The following BTBD8 variants were observed in gnomAD, a reference collection of about 807,000 sequenced individuals.
BTBD8 encodes BTB/POZ domain-containing protein 8.
In BTBD8, 110 loss-of-function variants were observed where a neutral mutation model predicts 162.9. The ratio of observed to expected loss-of-function variants is 0.68; its 90% CI spans 0.58 to 0.79. The LOEUF (loss-of-function observed/expected upper bound fraction) is 0.79. Among genes scored for constraint, BTBD8 ranks in the 30% least tolerant of loss-of-function variants. BTBD8 has a pLI of 0.00. For missense variants in BTBD8, 1,905 were observed against 2,085.4 expected (o/e 0.91, Z 1.68); for synonymous variants, 667 against 716.1 (o/e 0.93, Z 1.10).
At position 92,080,351 on chromosome 1, in the gene BTBD8, G is replaced by A. The variant is rs2101885831; in HGVS notation, c.-221G>A. 2 of 608,498 alleles carry A rather than the reference G, an allele frequency of 3.3e-6. No homozygotes were observed. Among genetic ancestry groups the A allele is most frequent in the Admixed American group, 3.7e-5 (1 of 27,146 alleles). The allele number at this position is 608,498 out of a possible 1,614,324, so 37.7% of individuals were successfully genotyped here. On this transcript the variant is annotated 5_prime_UTR_variant, in exon 1 of 18. Coordinates refer to ENST00000636805, the MANE Select transcript of BTBD8 (RefSeq NM_001376131.1). ...GAGTACGCCTGCGCACGCTCTTCCTGGGTCAAGAGCCGGCTCGGTTCTGGG... is the reference window on the plus strand; with the variant it reads ...GAGTACGCCTGCGCACGCTCTTCCTAGGTCAAGAGCCGGCTCGGTTCTGGG...
At chr1:92,129,803 G>T in intron 5 of BTBD8, 27 bp downstream of exon 5, 2 of 1,546,666 alleles carry the variant, frequency 1.3e-6, no homozygotes, top group South Asian at 2.2e-5. Context: ...AGGGCCATTT[G>T]ACTGCAAATG....
At chr1:92,110,600 A>G (rs1482706898) in intron 4 of BTBD8, among the ~76,000 whole-genome samples, 1 of 152,050 alleles carries the variant, frequency 6.6e-6, no homozygotes, top group Admixed American at 6.6e-5. Flanking sequence ...TATGAATACC[A>G]TCTGGGATCT....
At chr1:92,169,547 A>G (rs1228105783) in intron 12 of BTBD8, among the ~76,000 whole-genome samples, 2 of 152,180 alleles carry the variant, frequency 1.3e-5, no homozygotes, top group African/African-American at 4.8e-5. Flanking sequence ...ATTAAACAAA[A>G]GATGTATATT....
At chr1:92,081,944 G>T (rs1648029911) in intron 1 of BTBD8, among the ~76,000 whole-genome samples, 1 of 152,020 alleles carries the variant, frequency 6.6e-6, no homozygotes, top group African/African-American at 2.4e-5. Context: ...GCTATAAACA[G>T]AATTTATCAA....
chr1:92,183,751 CT>C, intron 17 of BTBD8, 112 bp from the exon 18 acceptor site: 1 of 499,492 alleles, frequency 2.0e-6, no homozygotes, highest in Non-Finnish European at 3.1e-6. Context: ...TTTTCCCATT[CT>C]GTGTTTTTTT....
At chr1:92,090,991 C>T (rs1378559807) in intron 2 of BTBD8, among the ~76,000 whole-genome samples, 2 of 152,146 alleles carry the variant, frequency 1.3e-5, no homozygotes, top group Non-Finnish European at 2.9e-5. Flanking sequence ...TGTCACTGTG[C>T]TTCTGGTGTG....
At chr1:92,140,105 T>C (rs1649737099) in intron 6 of BTBD8, among the ~76,000 whole-genome samples, 1 of 86,982 alleles carries the variant, frequency 1.1e-5, no homozygotes, top group Admixed American at 1.2e-4. Flanking sequence ...CGAGACTCTG[T>C]CTCAAAAAAA....
intron 5 of BTBD8, among the ~76,000 whole-genome samples, chr1:92,130,097 C>G (rs1649473989): frequency 1.3e-5 from 2 of 152,116 alleles, no homozygotes; most frequent in Non-Finnish European, 2.9e-5. Context: ...GGGCTCTGCC[C>G]CTGGGTTGCA....
chr1:92,123,346 C>T (rs758461122), intron 4 of BTBD8, among the ~76,000 whole-genome samples: 3 of 152,122 alleles, frequency 2.0e-5, no homozygotes, highest in Non-Finnish European at 2.9e-5. Flanking sequence ...TTTGCATTTT[C>T]GTAGACATTT....
intron 13 of BTBD8, among the ~76,000 whole-genome samples, chr1:92,171,669 A>G (rs1469717149): frequency 6.6e-6 from 1 of 152,232 alleles, no homozygotes; most frequent in Admixed American, 6.5e-5. Flanking sequence ...GGAAGTATCT[A>G]CCTTTTTCAT....
At chr1:92,098,596 A>G (rs1433759387) in intron 2 of BTBD8, among the ~76,000 whole-genome samples, 2 of 151,932 alleles carry the variant, frequency 1.3e-5, no homozygotes, top group Non-Finnish European at 2.9e-5. Context: ...TTTTAAAATT[A>G]TACCTATCCT....
chr1:92,119,264 T>C (rs1394503870), intron 4 of BTBD8, among the ~76,000 whole-genome samples: 2 of 151,566 alleles, frequency 1.3e-5, no homozygotes, highest in Non-Finnish European at 2.9e-5. Flanking sequence ...CATGTATAGC[T>C]GTACAAATTT....
chr1:92,180,930 A>G lies in BTBD8; in HGVS notation c.3247A>G (p.Lys1083Glu). The G allele has an allele frequency of 6.4e-7, 1 of 1,551,662 alleles. No homozygotes were observed. Among genetic ancestry groups the G allele is most frequent in the Non-Finnish European group, 8.7e-7 (1 of 1,146,978 alleles). The change falls in exon 17 of 18, where the codon AAA becomes GAA. Residue 1083 changes from lysine to glutamate, a missense_variant. Lys to Glu is a moderately conservative substitution (Grantham distance 56, BLOSUM62 1). This residue lies in a region of BTBD8 where 1,374 missense variants were observed against 1,442.7 expected (regional missense o/e 0.95). Transcript: ENST00000636805. ...HSVGSDNVNS[K>E]FYSTTALKYM... ...TGTTGGGAGTGATAATGTAAATTCA[A>G]AATTTTATAGCACCACAGCCCTAAA... is the stretch of plus-strand genomic sequence containing the variant.
intron 4 of BTBD8, among the ~76,000 whole-genome samples, chr1:92,109,238 C>G (rs1648824518): frequency 1.3e-5 from 2 of 149,272 alleles, no homozygotes; most frequent in Non-Finnish European, 3.0e-5. Flanking sequence ...GTGTGTGTCT[C>G]TCTGTCTTGT....
intron 5 of BTBD8, among the ~76,000 whole-genome samples, chr1:92,130,559 C>CAA (rs1649492379): frequency 6.8e-6 from 1 of 146,920 alleles, no homozygotes; most frequent in African/African-American, 2.4e-5. Flanking sequence ...CACACACACA[C>CAA]ACACACACAT....
chr1:92,140,846 G>A (rs1370240400), intron 6 of BTBD8, among the ~76,000 whole-genome samples: 1 of 152,146 alleles, frequency 6.6e-6, no homozygotes, highest in Non-Finnish European at 1.5e-5. Context: ...TGTTCTGTAT[G>A]TCACTTAGTA....
At chr1:92,099,160 C>A (rs1648524880) in intron 2 of BTBD8, among the ~76,000 whole-genome samples, 1 of 152,028 alleles carries the variant, frequency 6.6e-6, no homozygotes, top group Non-Finnish European at 1.5e-5. Flanking sequence ...TGTTCTTTCC[C>A]CATTGTGTTA....
At chr1:92,100,551 G>C (rs2101901494) in intron 2 of BTBD8, among the ~76,000 whole-genome samples, 1 of 152,046 alleles carries the variant, frequency 6.6e-6, no homozygotes, top group East Asian at 1.9e-4. Flanking sequence ...TTGGTAGTTT[G>C]TGTCTTTCTT....
At chr1:92,168,365 G>C (rs1156994333) in intron 11 of BTBD8, among the ~76,000 whole-genome samples, 2 of 150,674 alleles carry the variant, frequency 1.3e-5, no homozygotes, top group East Asian at 4.0e-4. Context: ...TTAATCATCA[G>C]TGTCTTTTAT....
Sources: gnomAD v4.1 joint callset for allele counts (sites outside exome capture counted in the v4.1 genomes callset) on GRCh38, gnomAD v4.1.1 for gene constraint, gnomAD v4.1.1 regional missense constraint, MANE v1.5 for transcripts, NCBI Gene and HGNC (gene_info 2026-07-23, HGNC 2026-07-21) for gene names.